Variants in RGPD8 observed in about 807,000 individuals in gnomAD.
RGPD8 encodes the protein RANBP2-like and GRIP domain-containing protein 8.
A neutral mutation model predicts 89.1 loss-of-function variants in RGPD8; 15 were observed. The ratio of observed to expected loss-of-function variants is 0.17; its 90% CI spans 0.11 to 0.26. The LOEUF is 0.26. Ranked by LOEUF, RGPD8 falls within the 10% of genes least tolerant of loss-of-function variation. The probability of loss-of-function intolerance (pLI) is 1.00; values close to 1 mark genes in which losing one functional copy is unlikely to be tolerated. For synonymous variants in RGPD8, 62 were observed against 420.9 expected (o/e 0.15, Z 10.44); for missense variants, 178 against 1,179.6 (o/e 0.15, Z 12.44).
intron 22 of RGPD8, among the ~76,000 whole-genome samples, chr2:112,374,867 T>TC (rs1457945090): frequency 1.5e-5 from 2 of 134,738 alleles, no homozygotes; most frequent in African/African-American, 5.5e-5. Flanking sequence ...TCTTTTTTTT[T>TC]TTTTTTTTTT....
intron 9 of RGPD8, among the ~76,000 whole-genome samples, chr2:112,402,674 T>A (rs1187025684): frequency 9.0e-6 from 1 of 111,082 alleles, no homozygotes; most frequent in African/African-American, 3.8e-5. Context: ...ATGAAGACAC[T>A]TTTTGTTGAA....
chr2:112,432,842 G>A (rs983726542), intron 1 of RGPD8, among the ~76,000 whole-genome samples: 7 of 152,238 alleles, frequency 4.6e-5, no homozygotes, highest in African/African-American at 1.7e-4. Context: ...CTCTTCCTGC[G>A]CTTGCAAGCG....
chr2:112,402,495 C>CAAGAAAAGAAAAGAAAAGAAAAGAA (rs552548180), intron 9 of RGPD8, among the ~76,000 whole-genome samples: 3,792 of 144,210 alleles, frequency 0.026, 21 homozygotes, highest in Middle Eastern at 0.043. Context: ...GTCTCAAAAA[C>CAAGAAAAGAAAAGAAAAGAAAAGAA]AAGAAAAGAA....
intron 1 of RGPD8, among the ~76,000 whole-genome samples, chr2:112,427,474 C>G (rs1365355003): frequency 1.3e-5 from 2 of 152,008 alleles, no homozygotes; most frequent in Non-Finnish European, 2.9e-5. Flanking sequence ...AAGCAAATAC[C>G]TGAATTCACT....
chr2:112,415,904 A>G (rs1679385712), intron 6 of RGPD8, among the ~76,000 whole-genome samples: 1 of 151,438 alleles, frequency 6.6e-6, no homozygotes, highest in Non-Finnish European at 1.5e-5. Context: ...AGAGATTGAG[A>G]CCATCCTGAA....
At chr2:112,379,472 G>T (rs1459481042) in intron 21 of RGPD8, among the ~76,000 whole-genome samples, 295 of 149,326 alleles carry the variant, frequency 2.0e-3, no homozygotes, top group African/African-American at 7.0e-3. Context: ...GTGCATGCCT[G>T]CAGTCCCAGC....
intron 20 of RGPD8, among the ~76,000 whole-genome samples, chr2:112,387,510 C>T (rs1678502142): frequency 7.5e-6 from 1 of 132,842 alleles, no homozygotes; most frequent in African/African-American, 2.7e-5. Flanking sequence ...TATAGGCACG[C>T]ACCACCATGC....
At chr2:112,402,533 G>GAAAAGAAAA (rs1172989175) in intron 9 of RGPD8, among the ~76,000 whole-genome samples, 9 of 150,854 alleles carry the variant, frequency 6.0e-5, no homozygotes, top group Middle Eastern at 3.5e-3. Flanking sequence ...GAAAAGAAAA[G>GAAAAGAAAA]GTTATGCGCT....
At position 112,387,801 on chromosome 2, in the gene RGPD8, T is replaced by C. The variant is rs1310168151; in HGVS notation, c.4921+223A>G. On this transcript the variant is annotated intron_variant, in intron 20 of 22. Coordinates refer to ENST00000302558, the MANE Select transcript of RGPD8 (RefSeq NM_001164463.1). ...GTTCTTTTGCTCTGCCCTAGCATGA[T>C]AGAAGTATCTTCCAGTTACTGAAAT... Among the ~76,000 whole-genome samples the C allele has an allele frequency of 7.5e-5, 11 of 146,370 alleles. No individual in the cohort carries two copies. In the South Asian group the frequency reaches 1.3e-3, roughly 18 times the overall value.
At chr2:112,432,866 A>T (rs1180279858) in intron 1 of RGPD8, among the ~76,000 whole-genome samples, 1 of 152,208 alleles carries the variant, frequency 6.6e-6, no homozygotes, top group Non-Finnish European at 1.5e-5. Flanking sequence ...CGCCGCCCAC[A>T]GGACTGCGCT....
intron 22 of RGPD8, among the ~76,000 whole-genome samples, chr2:112,377,280 GTTTTT>G (rs1189164529): frequency 3.8e-5 from 2 of 52,476 alleles, no homozygotes; most frequent in East Asian, 8.6e-4. Flanking sequence ...CTACATCATA[GTTTTT>G]TTTTTTTTTT....
chr2:112,431,396 G>A (rs1418884329), intron 1 of RGPD8, among the ~76,000 whole-genome samples: 1 of 152,142 alleles, frequency 6.6e-6, no homozygotes, highest in Admixed American at 6.5e-5. Context: ...CGTACAAGTA[G>A]ATATCTATCC....
intron 1 of RGPD8, among the ~76,000 whole-genome samples, chr2:112,430,849 C>T (rs1171039610): frequency 6.6e-6 from 1 of 151,908 alleles, no homozygotes; most frequent in African/African-American, 2.4e-5. Flanking sequence ...CTCAGCTACC[C>T]AGGAGGCTAA....
intron 6 of RGPD8, among the ~76,000 whole-genome samples, chr2:112,416,088 CA>C (rs1168507298): frequency 0.027 from 2,355 of 88,568 alleles, 2 homozygotes; most frequent in African/African-American, 0.06. Flanking sequence ...GACTCCATCT[CA>C]AAAAAAAAAA....
chr2:112,432,896 AGAG>A (rs1680111731), intron 1 of RGPD8, among the ~76,000 whole-genome samples: 6 of 151,206 alleles, frequency 4.0e-5, no homozygotes, highest in Non-Finnish European at 7.4e-5. Context: ...CCGCCTCAAC[AGAG>A]CGCGCCAGGG....
intron 22 of RGPD8, among the ~76,000 whole-genome samples, chr2:112,374,791 CTTG>C (rs1405742030): frequency 7.4e-6 from 1 of 135,916 alleles, no homozygotes; most frequent in Admixed American, 7.4e-5. Flanking sequence ...TTTTCCCACT[CTTG>C]TTTTTTGTTT....
In RGPD8 at chr2:112,391,061, T is replaced by C. The variant is rs1574000457; in HGVS notation, c.2611A>G (p.Thr871Ala). ...TGACTATAATATACTGAAGGGCCAGTAGTTGCAACTGAAAAAAAAAAAAGA... is the reference window on the plus strand; with the variant it reads ...TGACTATAATATACTGAAGGGCCAGCAGTTGCAACTGAAAAAAAAAAAAGA... ...FHGAPLTVAT[T>A]GPSVYYSQSP... Residue 871 changes from threonine (T) to alanine (A), a missense_variant, in exon 19 of 23, where the codon ACT becomes GCT. By Grantham distance (58) the Thr-to-Ala change is moderately conservative. Coordinates refer to ENST00000302558, the MANE Select transcript of RGPD8 (RefSeq NM_001164463.1). 1 of 1,586,758 alleles carries C rather than the reference T, an allele frequency of 6.3e-7. No individual in the cohort carries two copies. Among genetic ancestry groups the C allele is most frequent in the East Asian group, 2.2e-5 (1 of 44,676 alleles).
At chr2:112,373,320 T>C (rs1431834897) in intron 22 of RGPD8, among the ~76,000 whole-genome samples, 2 of 152,398 alleles carry the variant, frequency 1.3e-5, no homozygotes, top group African/African-American at 4.8e-5. Context: ...TAACGCAGAG[T>C]TGTAACACGC....
chr2:112,382,231 TA>T (rs1432828638), intron 20 of RGPD8, among the ~76,000 whole-genome samples: 2 of 152,270 alleles, frequency 1.3e-5, no homozygotes, highest in Non-Finnish European at 2.9e-5. Context: ...TCGTGTAAGG[TA>T]ATACTTAATA....
Sources: gnomAD v4.1 joint callset for allele counts (sites outside exome capture counted in the v4.1 genomes callset) on GRCh38, gnomAD v4.1.1 for gene constraint, MANE v1.5 for transcripts, NCBI Gene and HGNC (gene_info 2026-07-23, HGNC 2026-07-21) for gene names.